The following PPP2R2B variants were observed in gnomAD, a reference collection of about 807,000 sequenced individuals.
PPP2R2B encodes protein phosphatase 2 regulatory subunit Bbeta.
In PPP2R2B, 5 loss-of-function variants were observed where a neutral mutation model predicts 46.0. The ratio of observed to expected loss-of-function variants is 0.11; its 90% CI spans 0.06 to 0.23. The LOEUF is 0.23. Ranked by LOEUF, PPP2R2B falls within the 10% of genes least tolerant of loss-of-function variation. PPP2R2B has a pLI of 1.00. For synonymous variants in PPP2R2B, 215 were observed against 206.7 expected (o/e 1.04, Z -0.34); for missense variants, 367 against 575.0 (o/e 0.64, Z 3.70).
intron 2 of PPP2R2B, among the ~76,000 whole-genome samples, chr5:146,846,843 T>G (rs1027131009): frequency 6.6e-6 from 1 of 152,206 alleles, no homozygotes; most frequent in African/African-American, 2.4e-5. Flanking sequence ...TTAATGCTTA[T>G]GACTTTTTCT....
At chr5:146,855,676 ACT>A (rs1266091969) in intron 2 of PPP2R2B, among the ~76,000 whole-genome samples, 3 of 152,058 alleles carry the variant, frequency 2.0e-5, no homozygotes, top group African/African-American at 4.8e-5. Flanking sequence ...GTTCATACAA[ACT>A]CTGTTACAAA....
rs139824007 is a variant in PPP2R2B, at chr5:146,799,259, T to C, written c.70+78743A>G. ...TTTGCACTAGCCTAATTTAAATTGT[T>C]AACACAGTACAAATTTTAACAGAAA... On this transcript the variant is annotated intron_variant, in intron 2 of 9. Transcript: ENST00000394411. Among the ~76,000 whole-genome samples the C allele has an allele frequency of 3.9e-3, 595 of 152,318 alleles. 9 individuals are homozygous for C. Among genetic ancestry groups the C allele is most frequent in the African/African-American group, 0.014 (568 of 41,570 alleles).
At chr5:146,992,739 C>T (rs2151862860) in intron 1 of PPP2R2B, among the ~76,000 whole-genome samples, 1 of 152,154 alleles carries the variant, frequency 6.6e-6, no homozygotes, top group East Asian at 1.9e-4. Context: ...TGATCTCACC[C>T]CAGTGGGATG....
intron 2 of PPP2R2B, among the ~76,000 whole-genome samples, chr5:146,756,900 A>G (rs1480930047): frequency 2.6e-5 from 4 of 152,214 alleles, no homozygotes; most frequent in African/African-American, 9.6e-5. Flanking sequence ...CTCCAAGGAT[A>G]TGTCAAATGT....
intron 1 of PPP2R2B, among the ~76,000 whole-genome samples, chr5:146,995,347 T>A (rs1262786927): frequency 6.6e-6 from 1 of 152,170 alleles, no homozygotes; most frequent in Non-Finnish European, 1.5e-5. Context: ...AAAGAAGGAA[T>A]AAATGACCTG....
At chr5:146,693,565 A>C (rs573629146) in intron 4 of PPP2R2B, among the ~76,000 whole-genome samples, 1 of 152,328 alleles carries the variant, frequency 6.6e-6, no homozygotes, top group South Asian at 2.1e-4. Flanking sequence ...TTAGCAAGTA[A>C]AAAAATATAG....
At chr5:146,636,906 C>A (rs1328249486) in intron 7 of PPP2R2B, among the ~76,000 whole-genome samples, 1 of 152,142 alleles carries the variant, frequency 6.6e-6, no homozygotes, top group African/African-American at 2.4e-5. Flanking sequence ...GCCAACAATA[C>A]TCTTCTTTCT....
chr5:146,731,147 T>A (rs1752205019), intron 2 of PPP2R2B, among the ~76,000 whole-genome samples: 1 of 152,202 alleles, frequency 6.6e-6, no homozygotes, highest in African/African-American at 2.4e-5. Flanking sequence ...ATTCTTCTCA[T>A]AAATAAAATG....
At chr5:146,825,413 G>C (rs1025178167) in intron 2 of PPP2R2B, among the ~76,000 whole-genome samples, 1 of 152,156 alleles carries the variant, frequency 6.6e-6, no homozygotes, top group African/African-American at 2.4e-5. Flanking sequence ...ATTTGTTTAG[G>C]CTACCTCAAT....
chr5:146,606,521 G>C (rs189523136), intron 7 of PPP2R2B, among the ~76,000 whole-genome samples: 1 of 152,194 alleles, frequency 6.6e-6, no homozygotes, highest in East Asian at 1.9e-4. Context: ...GTTCTAGGGC[G>C]GTTGTGAGAA....
chr5:146,706,614 G>A (rs1183504828), intron 2 of PPP2R2B: 3 of 811,408 alleles, frequency 3.7e-6, no homozygotes, highest in Non-Finnish European at 2.1e-6. Flanking sequence ...GCGCTGCTCC[G>A]CATCTGCGAT....
chr5:146,591,003 G>GCAAA (rs747451469), intron 9 of PPP2R2B, among the ~76,000 whole-genome samples: 15 of 152,106 alleles, frequency 9.9e-5, no homozygotes, highest in Non-Finnish European at 1.9e-4. Context: ...CAGGAGAGTG[G>GCAAA]CAAACACCCA....
chr5:146,962,776 C>A (rs571238771), intron 1 of PPP2R2B, among the ~76,000 whole-genome samples: 1 of 152,168 alleles, frequency 6.6e-6, no homozygotes, highest in African/African-American at 2.4e-5. Context: ...AAGTTCGCTG[C>A]GGAACTTGCC....
intron 7 of PPP2R2B, among the ~76,000 whole-genome samples, chr5:146,621,859 G>C (rs1346391988): frequency 6.6e-6 from 1 of 152,206 alleles, no homozygotes; most frequent in African/African-American, 2.4e-5. Flanking sequence ...TGGTCATGGG[G>C]AAGGAGAGAC....
intron 2 of PPP2R2B, among the ~76,000 whole-genome samples, chr5:146,819,255 T>A (rs1342840600): frequency 2.0e-5 from 3 of 152,242 alleles, no homozygotes; most frequent in Non-Finnish European, 4.4e-5. Context: ...GAGATAAAGA[T>A]GTTTTTTCTT....
At chr5:146,864,096 A>G (rs937159062) in intron 2 of PPP2R2B, among the ~76,000 whole-genome samples, 1 of 152,208 alleles carries the variant, frequency 6.6e-6, no homozygotes, top group Admixed American at 6.5e-5. Context: ...ACTTGTTCTA[A>G]AAAATAAAGA....
intron 1 of PPP2R2B, among the ~76,000 whole-genome samples, chr5:147,007,474 T>C (rs1326782166): frequency 6.6e-6 from 1 of 152,166 alleles, no homozygotes; most frequent in Non-Finnish European, 1.5e-5. Flanking sequence ...ATCAGCTCTC[T>C]GTAAAATGGA....
chr5:147,065,325 A>G (rs958915024), intron 2 of PPP2R2B, among the ~76,000 whole-genome samples: 2 of 152,124 alleles, frequency 1.3e-5, no homozygotes, highest in Non-Finnish European at 2.9e-5. Flanking sequence ...GAGAGTGAAA[A>G]TATTTCTGGC....
At chr5:146,600,779 T>C (rs1397937397) in intron 7 of PPP2R2B, among the ~76,000 whole-genome samples, 1 of 152,224 alleles carries the variant, frequency 6.6e-6, no homozygotes, top group Non-Finnish European at 1.5e-5. Flanking sequence ...TCTGGAGTCA[T>C]GTTAAGATAG....
Sources: allele counts gnomAD v4.1 joint callset (sites outside exome capture counted in the v4.1 genomes callset), GRCh38; gene constraint gnomAD v4.1.1; transcripts MANE v1.5; gene names NCBI Gene and HGNC (gene_info 2026-07-23, HGNC 2026-07-21).